Variants in PRKCA observed in about 807,000 individuals in gnomAD.
PRKCA encodes protein kinase C alpha type.
Under a neutral mutation model 87.0 loss-of-function variants are expected in PRKCA, and 27 were observed. That is an observed-to-expected ratio of 0.31 (90% confidence interval 0.23 to 0.43). PRKCA has a LOEUF of 0.43. Among genes scored for constraint, PRKCA ranks in the 20% least tolerant of loss-of-function variants. PRKCA has a pLI of 1.00. For missense variants in PRKCA, 518 were observed against 852.3 expected (o/e 0.61, Z 4.88); for synonymous variants, 329 against 311.1 (o/e 1.06, Z -0.61).
In PRKCA at chr17:66,778,281, AG is replaced by A. The variant is rs1324220146; in HGVS notation, c.1605+4216del. On this transcript the variant is annotated intron_variant, in intron 14 of 16. Coordinates refer to ENST00000413366, the MANE Select transcript of PRKCA (RefSeq NM_002737.3). ...GTAATCCCAGCACTTCGGGAGGCCG[AG>A]GCGGGCGGATCACGAGGTCAGGAGA... 1.6e-5 allele frequency: 14 copies of A among 888,260 alleles called. No individual in the cohort carries two copies. The Admixed American group carries it at 8.7e-4, about 55-fold the overall frequency. The allele number at this position is 888,260 out of a possible 1,614,324, so 55.0% of individuals were successfully genotyped here.
chr17:66,760,156 G>A (rs1025400412), intron 13 of PRKCA, among the ~76,000 whole-genome samples: 2 of 152,160 alleles, frequency 1.3e-5, no homozygotes, highest in Non-Finnish European at 1.5e-5. Flanking sequence ...ACCACATTCT[G>A]TGCTGTAAAA....
intron 3 of PRKCA, among the ~76,000 whole-genome samples, chr17:66,558,489 G>A (rs974264839): frequency 6.6e-6 from 1 of 152,124 alleles, no homozygotes; most frequent in Admixed American, 6.5e-5. Context: ...GAGCTTGGCC[G>A]AGGGCCTAGA....
At chr17:66,596,592 T>TTA (rs1555624580) in intron 3 of PRKCA, among the ~76,000 whole-genome samples, 1 of 126,308 alleles carries the variant, frequency 7.9e-6, no homozygotes, top group Non-Finnish European at 1.7e-5. Flanking sequence ...TTTTTTTTTT[T>TTA]ATTATACTCT....
chr17:66,427,079 A>C (rs188453852), intron 2 of PRKCA, among the ~76,000 whole-genome samples: 6 of 152,236 alleles, frequency 3.9e-5, no homozygotes, highest in African/African-American at 1.4e-4. Context: ...TCTGTCTTCC[A>C]GGAGCATAGT....
chr17:66,750,832 G>A (rs1211021853), intron 13 of PRKCA, among the ~76,000 whole-genome samples: 1 of 152,196 alleles, frequency 6.6e-6, no homozygotes, highest in Non-Finnish European at 1.5e-5. Context: ...CACCTCCCCA[G>A]TTCAATGCAG....
At chr17:66,581,183 G>C (rs939101507) in intron 3 of PRKCA, among the ~76,000 whole-genome samples, 1 of 152,124 alleles carries the variant, frequency 6.6e-6, no homozygotes, top group Admixed American at 6.5e-5. Flanking sequence ...AAATGTTCTA[G>C]ATCAGTTGAG....
intron 5 of PRKCA, among the ~76,000 whole-genome samples, chr17:66,680,978 G>A (rs995433846): frequency 6.6e-6 from 1 of 152,030 alleles, no homozygotes; most frequent in Non-Finnish European, 1.5e-5. Flanking sequence ...CCTGTAATCC[G>A]AGCACTTTGG....
intron 8 of PRKCA, among the ~76,000 whole-genome samples, chr17:66,725,874 A>G (rs1973735058): frequency 6.6e-6 from 1 of 151,960 alleles, no homozygotes; most frequent in South Asian, 2.1e-4. Context: ...ACGTAGCCCC[A>G]TGGTTTTGAG....
intron 3 of PRKCA, among the ~76,000 whole-genome samples, chr17:66,525,834 G>A (rs1238111404): frequency 6.6e-6 from 1 of 152,114 alleles, no homozygotes; most frequent in Admixed American, 6.6e-5. Context: ...TCTTCTTCCT[G>A]TCTTCCAAAA....
At chr17:66,734,604 A>G (rs886660980) in intron 9 of PRKCA, among the ~76,000 whole-genome samples, 3 of 152,152 alleles carry the variant, frequency 2.0e-5, no homozygotes, top group African/African-American at 7.2e-5. Flanking sequence ...CTGTTTTATC[A>G]GCAGGGTCTT....
chr17:66,781,737 G>A (rs1264279634), intron 14 of PRKCA, among the ~76,000 whole-genome samples: 1 of 151,900 alleles, frequency 6.6e-6, no homozygotes, highest in East Asian at 1.9e-4. Context: ...AGTTTCAGTT[G>A]GGAAGATGAA....
chr17:66,539,431 T>C (rs1184215897), intron 3 of PRKCA, among the ~76,000 whole-genome samples: 3 of 150,800 alleles, frequency 2.0e-5, no homozygotes, highest in Non-Finnish European at 4.4e-5. Context: ...TGAGATGGAG[T>C]CTTGCTCTGT....
chr17:66,612,957 A>G (rs994765609), intron 3 of PRKCA, among the ~76,000 whole-genome samples: 5 of 152,354 alleles, frequency 3.3e-5, no homozygotes, highest in East Asian at 1.9e-4. Flanking sequence ...TATTCTCAAC[A>G]TAAGTATTCT....
intron 3 of PRKCA, among the ~76,000 whole-genome samples, chr17:66,501,445 G>A (rs191633081): frequency 6.6e-6 from 1 of 152,178 alleles, no homozygotes; most frequent in Non-Finnish European, 1.5e-5. Flanking sequence ...CCCCATACAC[G>A]CTGAGTAGAG....
intron 8 of PRKCA, among the ~76,000 whole-genome samples, chr17:66,726,499 T>C (rs745958269): frequency 2.6e-5 from 4 of 152,044 alleles, no homozygotes; most frequent in Non-Finnish European, 5.9e-5. Flanking sequence ...GGAAGACCAC[T>C]GTGGAGGATG....
chr17:66,560,841 G>T (rs1968657230), intron 3 of PRKCA, among the ~76,000 whole-genome samples: 1 of 152,190 alleles, frequency 6.6e-6, no homozygotes, highest in Non-Finnish European at 1.5e-5. Context: ...GGGCAAGTCT[G>T]GCTGACGGGG....
At chr17:66,752,790 G>A (rs1023100126) in intron 13 of PRKCA, among the ~76,000 whole-genome samples, 4 of 152,134 alleles carry the variant, frequency 2.6e-5, no homozygotes, top group African/African-American at 9.7e-5. Flanking sequence ...GCAGCCACTT[G>A]TCACTGAGCT....
At position 66,449,660 on chromosome 17, in the gene PRKCA, A is replaced by G. The variant is rs577346106; in HGVS notation, c.206-46541A>G. Among the ~76,000 whole-genome samples, 13 of 152,302 alleles carry G rather than the reference A, an allele frequency of 8.5e-5. 1 individual carries two copies. Among genetic ancestry groups the G allele is most frequent in the African/African-American group, 3.1e-4 (13 of 41,570 alleles). On this transcript the variant is annotated intron_variant, in intron 2 of 16. Coordinates refer to ENST00000413366, the MANE Select transcript of PRKCA (RefSeq NM_002737.3). ...CTGAAGCTGTTCCTTCTATGAGCCA[A>G]ACATCAAGTGTTCAAGTCAGAGGGA...
intron 2 of PRKCA, among the ~76,000 whole-genome samples, chr17:66,447,223 G>A (rs901271444): frequency 3.2e-4 from 49 of 152,162 alleles, no homozygotes; most frequent in African/African-American, 1.2e-3. Flanking sequence ...ATGTATACGG[G>A]ATGGTGACAG....
Sources: gnomAD v4.1 joint callset for allele counts (sites outside exome capture counted in the v4.1 genomes callset) on GRCh38, gnomAD v4.1.1 for gene constraint, MANE v1.5 for transcripts, NCBI Gene and HGNC (gene_info 2026-07-23, HGNC 2026-07-21) for gene names.